Variants in DLC1 observed in about 807,000 individuals in gnomAD.
DLC1 encodes the protein rho GTPase-activating protein 7.
In DLC1, 54 loss-of-function variants were observed where a neutral mutation model predicts 140.3. The ratio of observed to expected loss-of-function variants is 0.38; its 90% CI spans 0.31 to 0.48. DLC1 has a LOEUF of 0.48. DLC1 is among the 20% of genes least tolerant of loss of function. DLC1 has a pLI of 0.96. For missense variants in DLC1, 2,536 were observed against 1,907.0 expected (o/e 1.33, Z -6.14); for synonymous variants, 986 against 728.1 (o/e 1.35, Z -5.70).
At chr8:13,567,675 A>G (rs1288427811) in intron 1 of DLC1, 4 of 1,551,808 alleles carry the variant, frequency 2.6e-6, no homozygotes, top group African/African-American at 1.4e-5. Flanking sequence ...TTCTACTCCA[A>G]GAGAGAATAG....
In DLC1 at chr8:13,464,306, T is replaced by A. The variant is rs989853811; in HGVS notation, c.1023+34743A>T. On this transcript the variant is annotated intron_variant, in intron 2 of 17. Transcript: ENST00000276297. ...TTATTTCTTTCACTGACTGAATGCA[T>A]TCATGTATCCTCTTGACCATGTGTT... 2.6e-5 allele frequency among the ~76,000 whole-genome samples: 4 copies of A among 152,222 alleles called. No individual in the cohort carries two copies. The South Asian group carries it at 8.3e-4, about 31-fold the overall frequency.
At chr8:13,448,891 C>T (rs766292129) in intron 2 of DLC1, among the ~76,000 whole-genome samples, 4 of 151,930 alleles carry the variant, frequency 2.6e-5, no homozygotes, top group Non-Finnish European at 5.9e-5. Flanking sequence ...AGCAAGGAAA[C>T]ACCAGTTTTC....
chr8:13,348,207 C>T (rs1454824236), intron 4 of DLC1, among the ~76,000 whole-genome samples: 1 of 152,072 alleles, frequency 6.6e-6, no homozygotes, highest in African/African-American at 2.4e-5. Flanking sequence ...GGTATTTGTG[C>T]CAGGAGGTGG....
At chr8:13,559,533 A>T (rs1804170648) in intron 1 of DLC1, 1 of 152,224 alleles carries the variant, frequency 6.6e-6, no homozygotes, top group African/African-American at 2.4e-5. Flanking sequence ...CAAATAAAAT[A>T]ATTTGCAATT....
In DLC1 at chr8:13,393,432, CA is replaced by C. The variant is rs1485774729; in HGVS notation, c.1314+120del. 81 of 1,136,370 alleles carry C rather than the reference CA, an allele frequency of 7.1e-5. 2 individuals are homozygous for C. Among genetic ancestry groups the C allele is most frequent in the South Asian group, 5.5e-4 (29 of 52,620 alleles). The allele number at this position is 1,136,370 out of a possible 1,614,324, so 70.4% of individuals were successfully genotyped here. A position where few individuals can be genotyped will look rare whatever the true frequency, so the allele number is the denominator to read the frequency against. On this transcript the variant is annotated intron_variant, in intron 4 of 17. Transcript: ENST00000276297. ...GTACTTAATTAAATAAATTAAATAT[CA>C]TTAAGTCACTATGGCTAAGATTCCA...
intron 4 of DLC1, among the ~76,000 whole-genome samples, chr8:13,343,667 G>C (rs2116996106): frequency 6.6e-6 from 1 of 152,268 alleles, no homozygotes; most frequent in South Asian, 2.1e-4. Context: ...TGAGTAAATG[G>C]AGGAATGTGG....
At chr8:13,434,792 C>T (rs1488860797) in intron 2 of DLC1, among the ~76,000 whole-genome samples, 2 of 152,170 alleles carry the variant, frequency 1.3e-5, no homozygotes, top group African/African-American at 4.8e-5. Flanking sequence ...AATCTTCTCA[C>T]CTCAGCCTCC....
Position 13,092,670 on chromosome 8 carries a change from A to T in DLC1, c.3682T>A (p.Cys1228Ser). 1 of 1,614,216 alleles carries T rather than the reference A, an allele frequency of 6.2e-7. No homozygotes were observed. Reference protein sequence around the residue: ...NQMTPTNLAVCLAPSLFHLNT... With the variant: ...NQMTPTNLAVSLAPSLFHLNT... ...AGATGGAAGAGGGAAGGCGCTAAGC[A>T]CACGGCCAGGTTGGTTGGGGTCATC... The change falls in exon 13 of 18, where the codon TGC becomes AGC. Residue 1228 changes from cysteine to serine, a missense_variant. By Grantham distance (112) the Cys-to-Ser change is moderately radical (BLOSUM62 -1). Coordinates refer to ENST00000276297, the MANE Select transcript of DLC1 (RefSeq NM_182643.3).
intron 5 of DLC1, among the ~76,000 whole-genome samples, chr8:13,170,520 G>T (rs1825388817): frequency 6.6e-6 from 1 of 152,118 alleles, no homozygotes; most frequent in Admixed American, 6.5e-5. Context: ...CATGAGGTCA[G>T]GAAATCGAGA....
intron 10 of DLC1, among the ~76,000 whole-genome samples, chr8:13,097,374 A>G (rs2128934586): frequency 6.6e-6 from 1 of 152,128 alleles, no homozygotes; most frequent in African/African-American, 2.4e-5. Context: ...AGGGATTCTC[A>G]TGCCTCAGCT....
At position 13,413,236 on chromosome 8, in the gene DLC1, CATT is replaced by C. The variant is rs377357770; in HGVS notation, c.1024-11620_1024-11618del. Among the ~76,000 whole-genome samples the C allele has an allele frequency of 1.3e-3, 119 of 88,908 alleles. No homozygotes were observed. The East Asian group carries it at 0.029, about 22-fold the overall frequency. The allele number at this position is 88,908 out of a possible 152,430, so 58.3% of individuals were successfully genotyped here. ...CACAAATTCGTAAACTTTCTTAAAA[CATT>C]ATGAGATTTTTTTGCGATTTTTTTT... On this transcript the variant is annotated intron_variant, in intron 2 of 17. Transcript: ENST00000276297.
chr8:13,269,763 A>G (rs1830847344), intron 5 of DLC1, among the ~76,000 whole-genome samples: 1 of 151,440 alleles, frequency 6.6e-6, no homozygotes, highest in African/African-American at 2.4e-5. Context: ...TAGAATAAGA[A>G]ATTTAAAAAC....
intron 4 of DLC1, among the ~76,000 whole-genome samples, chr8:13,311,300 C>G (rs150129642): frequency 1.7e-4 from 26 of 152,258 alleles, no homozygotes; most frequent in Non-Finnish European, 2.9e-4. Context: ...GTGTACTATA[C>G]CATTCTTCAT....
chr8:13,588,501 A>G (rs1805408472), intron 1 of DLC1, among the ~76,000 whole-genome samples: 3 of 152,126 alleles, frequency 2.0e-5, no homozygotes, highest in African/African-American at 7.2e-5. Flanking sequence ...TCCAACACTG[A>G]ATATAAATGA....
At chr8:13,585,118 A>T (rs528814497) in intron 1 of DLC1, among the ~76,000 whole-genome samples, 17 of 152,372 alleles carry the variant, frequency 1.1e-4, no homozygotes, top group Non-Finnish European at 1.8e-4. Context: ...ATCACAAAAA[A>T]TTTTTAACAA....
At chr8:13,332,257 CT>C (rs1001531246) in intron 4 of DLC1, among the ~76,000 whole-genome samples, 2 of 152,110 alleles carry the variant, frequency 1.3e-5, no homozygotes, top group African/African-American at 4.8e-5. Context: ...ACAATGCAAT[CT>C]TTTTATAAAG....
chr8:13,139,004 G>T (rs928903387), intron 5 of DLC1, among the ~76,000 whole-genome samples: 4 of 152,084 alleles, frequency 2.6e-5, no homozygotes, highest in African/African-American at 9.7e-5. Flanking sequence ...AGAGAGAGAA[G>T]CTGGGCACAG....
At chr8:13,265,964 A>G (rs1171629712) in intron 5 of DLC1, among the ~76,000 whole-genome samples, 1 of 152,082 alleles carries the variant, frequency 6.6e-6, no homozygotes, top group Non-Finnish European at 1.5e-5. Context: ...TCTGCTGTTT[A>G]CCCTCTATGT....
chr8:13,099,690 G>C lies in DLC1; in HGVS notation c.2647C>G (p.Pro883Ala). ...GAACTGGAGTAGAGGATGGAGCCCGGCACGTTGTCGTAGATGCTCAGGCGG... is the reference window on the plus strand; with the variant it reads ...GAACTGGAGTAGAGGATGGAGCCCGCCACGTTGTCGTAGATGCTCAGGCGG... ...SSRLSIYDNV[P>A]GSILYSSSGD... is the part of the protein sequence containing the mutation. The change falls in exon 9 of 18, where the codon CCG (proline) becomes GCG (alanine). Residue 883 changes from proline (P) to alanine (A), a missense_variant. By Grantham distance (27) the Pro-to-Ala change is conservative (BLOSUM62 -1). Coordinates refer to ENST00000276297, the MANE Select transcript of DLC1 (RefSeq NM_182643.3). The C allele has an allele frequency of 1.2e-6, 2 of 1,614,154 alleles. No homozygotes were observed. The highest frequency in any genetic ancestry group is 1.7e-6 in the Non-Finnish European group (2 of 1,180,010).
Sources: gnomAD v4.1 joint callset for allele counts (sites outside exome capture counted in the v4.1 genomes callset) on GRCh38, gnomAD v4.1.1 for gene constraint, MANE v1.5 for transcripts, NCBI Gene and HGNC (gene_info 2026-07-23, HGNC 2026-07-21) for gene names.